PIK3C2B: variants seen among roughly 807,000 people sequenced by gnomAD.
PIK3C2B encodes the protein phosphatidylinositol-4-phosphate 3-kinase catalytic subunit type 2 beta, also known as phosphatidylinositol 4-phosphate 3-kinase C2 domain-containing subunit beta.
In PIK3C2B, 83 loss-of-function variants were observed where a neutral mutation model predicts 184.3. The ratio of observed to expected loss-of-function variants is 0.45; its 90% CI spans 0.38 to 0.54. The LOEUF (loss-of-function observed/expected upper bound fraction) is 0.54, where lower values mean the gene tolerates loss of function less well. Ranked by LOEUF, PIK3C2B falls within the 20% of genes least tolerant of loss-of-function variation. The pLI, the probability that PIK3C2B is intolerant of heterozygous loss-of-function variation, is 0.00. For synonymous variants in PIK3C2B, 779 were observed against 837.6 expected, an observed-to-expected ratio of 0.93 and a Z score of 1.21; for missense variants, 1,736 against 2,113.5, an observed-to-expected ratio of 0.82 and a Z score of 3.50.
chr1:204,426,317 CTT>C (rs2103462248), intron 31 of PIK3C2B, among the ~76,000 whole-genome samples: 1 of 152,368 alleles, frequency 6.6e-6, no homozygotes, highest in East Asian at 1.9e-4. Flanking sequence ...CTCCTCTCGA[CTT>C]TGCTCCATCG....
intron 1 of PIK3C2B, among the ~76,000 whole-genome samples, chr1:204,489,620 C>T (rs754816054): frequency 5.3e-5 from 8 of 152,080 alleles, no homozygotes; most frequent in Non-Finnish European, 1.0e-4. Context: ...ATTAAATCCA[C>T]TCTACTGGTG....
chr1:204,484,779 C>T (rs944310976), intron 1 of PIK3C2B, among the ~76,000 whole-genome samples: 1 of 151,814 alleles, frequency 6.6e-6, no homozygotes, highest in African/African-American at 2.4e-5. Context: ...TATTCTAGAA[C>T]ACCTCCATGC....
chr1:204,426,965 G>A (rs1198057781), intron 31 of PIK3C2B, among the ~76,000 whole-genome samples: 1 of 152,046 alleles, frequency 6.6e-6, no homozygotes, highest in Non-Finnish European at 1.5e-5. Flanking sequence ...GTGAAACCCG[G>A]TCTCTAATTT....
At chr1:204,450,669 A>G (rs994244685) in intron 12 of PIK3C2B, among the ~76,000 whole-genome samples, 3 of 152,178 alleles carry the variant, frequency 2.0e-5, no homozygotes, top group African/African-American at 7.2e-5. Context: ...GAGAAAGCCA[A>G]TGGCAGGGCC....
In PIK3C2B at chr1:204,429,924, G is replaced by A. The variant is rs146945762; in HGVS notation, c.4395C>T (p.Ala1465=). The A allele has an allele frequency of 1.0e-4, 165 of 1,603,272 alleles. No homozygotes were observed. The African/African-American group carries it at 1.8e-3, about 18-fold the overall frequency. The change falls in exon 29 of 33, where the codon GCC becomes GCT. Residue 1465 remains alanine, a synonymous_variant. Coordinates refer to ENST00000684373, the MANE Select transcript of PIK3C2B (RefSeq NM_001377334.1). ...WHLIHAPPEV[A]ECDLVYTFFH... ...GAGGAGAGGCAAGCCCACCCACCTCGGCCACCTCAGGGGGTGCGTGGATCA... is the reference window on the plus strand; with the variant it reads ...GAGGAGAGGCAAGCCCACCCACCTCAGCCACCTCAGGGGGTGCGTGGATCA...
Position 204,439,046 on chromosome 1 carries a change from A to G in PIK3C2B, c.3405T>C (p.Ala1135=), listed in dbSNP as rs2103478083. The change falls in exon 23 of 33, where the codon GCT becomes GCC. Residue 1135 remains alanine (A), a synonymous_variant. Coordinates refer to ENST00000684373, the MANE Select transcript of PIK3C2B (RefSeq NM_001377334.1). ...CCACCTGGATCTTACGCAGGGTCTC[A>G]GCATTAGGGATCATCTCCACCATCC... ...GRGMVEMIPN[A]ETLRKIQVEH... The G allele has an allele frequency of 2.5e-6, 4 of 1,613,936 alleles. No homozygotes were observed. Among genetic ancestry groups the G allele is most frequent in the African/African-American group, 2.7e-5 (2 of 75,032 alleles).
intron 2 of PIK3C2B, 129 bp from the exon 3 acceptor site, chr1:204,465,448 G>A (rs1360132690): frequency 3.1e-6 from 2 of 651,272 alleles, no homozygotes; most frequent in South Asian, 1.8e-5. Flanking sequence ...AATGAAAGGG[G>A]CACAAGAACA....
At chr1:204,492,294 T>C (rs755233772) in intron 1 of PIK3C2B, among the ~76,000 whole-genome samples, 22 of 152,270 alleles carry the variant, frequency 1.4e-4, no homozygotes, top group Non-Finnish European at 2.2e-4. Flanking sequence ...ATATACAAAC[T>C]AAATCTTAGG....
chr1:204,433,993 G>A lies in PIK3C2B; in HGVS notation c.3687-44C>T. On this transcript the variant is annotated intron_variant, in intron 24 of 32. Transcript: ENST00000684373. The surrounding 1 kb of genome is among the most constrained non-coding windows in gnomAD (Gnocchi z 5.0). The stretch of plus-strand genomic sequence containing the variant: ...ACAGGTAGAAGGTCAACATGGAGGA[G>A]GAAGCCCACCATATGGGCTGCATCA... The A allele has an allele frequency of 6.4e-7, 1 of 1,553,920 alleles. No individual in the cohort carries two copies. Among genetic ancestry groups the A allele is most frequent in the East Asian group, 2.2e-5 (1 of 44,536 alleles).
intron 28 of PIK3C2B, 35 bp from the exon 29 acceptor site, chr1:204,430,073 G>T: frequency 7.5e-7 from 1 of 1,327,386 alleles, no homozygotes; most frequent in Non-Finnish European, 1.1e-6. Flanking sequence ...GGATGCAGGA[G>T]GTGAAGATGG....
In PIK3C2B at chr1:204,442,652, G is replaced by A; in HGVS notation, c.3049-19C>T. 5 of 1,489,688 alleles carry A rather than the reference G, an allele frequency of 3.4e-6. No individual in the cohort carries two copies. Among genetic ancestry groups the A allele is most frequent in the Non-Finnish European group, 4.6e-6 (5 of 1,090,584 alleles). The allele number at this position is 1,489,688 out of a possible 1,614,324, so 92.3% of individuals were successfully genotyped here. A position where few individuals can be genotyped will look rare whatever the true frequency, so the allele number is the denominator to read the frequency against. ...GGATTCCCTGGAAAGAAGGGGAGGAGTACAGCAGGGGTGAAATGGAGGGTC... is the reference window on the plus strand; with the variant it reads ...GGATTCCCTGGAAAGAAGGGGAGGAATACAGCAGGGGTGAAATGGAGGGTC... On this transcript the variant is annotated intron_variant, in intron 19 of 32. Coordinates refer to ENST00000684373, the MANE Select transcript of PIK3C2B (RefSeq NM_001377334.1).
At chr1:204,460,278 G>A (rs1558261273) in intron 7 of PIK3C2B, 46 bp downstream of exon 7, 3 of 1,447,700 alleles carry the variant, frequency 2.1e-6, no homozygotes, top group East Asian at 2.3e-5. Context: ...TGGGATCCCT[G>A]CACAGTTCTT....
Position 204,449,939 on chromosome 1 carries a change from G to C in PIK3C2B, c.2145C>G (p.Pro715=). The C allele has an allele frequency of 1.2e-6, 2 of 1,612,608 alleles. No homozygotes were observed. Among genetic ancestry groups the C allele is most frequent in the Non-Finnish European group, 1.7e-6 (2 of 1,179,458 alleles). Residue 715 remains proline (P), a synonymous_variant, in exon 13 of 33, where the codon CCC becomes CCG. Transcript: ENST00000684373. ...LCATLYALPI[P]PPGSSSEANK... ...TGGCCTCTGAGGAGCTCCCCGGTGGGGGGATGGGCAGAGCATAGAGAGTGG... is the reference window on the plus strand; with the variant it reads ...TGGCCTCTGAGGAGCTCCCCGGTGGCGGGATGGGCAGAGCATAGAGAGTGG...
At chr1:204,476,117 C>CT (rs1184183308) in intron 1 of PIK3C2B, among the ~76,000 whole-genome samples, 1 of 152,222 alleles carries the variant, frequency 6.6e-6, no homozygotes, top group Non-Finnish European at 1.5e-5. Context: ...TCCCAGCGAC[C>CT]TTGAAACACA....
chr1:204,424,442 G>C lies in PIK3C2B; in HGVS notation c.*410C>G, dbSNP rs932205991. ...CTGGGGCATAGGTACGTCCCTTCTC[G>C]CAAGGCTTCCTGTCCCAGTTAGGAC... On this transcript the variant is annotated 3_prime_UTR_variant, in exon 33 of 33. Transcript: ENST00000684373. 1 of 335,708 alleles carries C rather than the reference G, an allele frequency of 3.0e-6. No individual in the cohort carries two copies. Among genetic ancestry groups the C allele is most frequent in the Non-Finnish European group, 5.9e-6 (1 of 168,790 alleles). The allele number at this position is 335,708 out of a possible 1,614,324, so 20.8% of individuals were successfully genotyped here.
At chr1:204,456,125 TA>T in intron 10 of PIK3C2B, 74 bp from the exon 11 acceptor site, 1 of 1,264,524 alleles carries the variant, frequency 7.9e-7, no homozygotes, top group Admixed American at 2.0e-5. Flanking sequence ...TGGCATTGGC[TA>T]GAATGGGATG....
rs1255470905 is a variant in PIK3C2B at position 204,446,121 on chromosome 1, C to T, written c.2513G>A (p.Arg838His). Residue 838 changes from arginine (R) to histidine (H), a missense_variant, in exon 16 of 33, where the codon CGC (arginine) becomes CAC (histidine). Coordinates refer to ENST00000684373, the MANE Select transcript of PIK3C2B (RefSeq NM_001377334.1). ...GCAGTAATATCGCTTCTCCCACAGG[C>T]GCTTCTTGTCAGCATCAGTGAGCCT... ...LYWLTDADKK[R>H]LWEKRYYCHS... The T allele has an allele frequency of 1.1e-5, 18 of 1,569,116 alleles. No individual in the cohort carries two copies. The highest frequency in any genetic ancestry group is 1.8e-4 in the Middle Eastern group (1 of 5,640).
chr1:204,444,800 G>A (rs1410354354), intron 16 of PIK3C2B, among the ~76,000 whole-genome samples: 2 of 152,170 alleles, frequency 1.3e-5, no homozygotes, highest in Non-Finnish European at 2.9e-5. Context: ...ATTTTGTCTT[G>A]TTAACATCCT....
chr1:204,431,383 T>C (rs1675046130), intron 28 of PIK3C2B: 2 of 467,092 alleles, frequency 4.3e-6, no homozygotes, highest in East Asian at 3.9e-5. Context: ...GCTTATCCAT[T>C]TGAAAAATGG....
Sources: allele counts gnomAD v4.1 joint callset (sites outside exome capture counted in the v4.1 genomes callset), GRCh38; gene constraint gnomAD v4.1.1; non-coding constraint Gnocchi (gnomAD v3.1); transcripts MANE v1.5; gene names NCBI Gene and HGNC (gene_info 2026-07-23, HGNC 2026-07-21).